ARL17A: variants seen among roughly 807,000 people sequenced by gnomAD.
ARL17A encodes ARF like GTPase 17A.
At chr17:46,545,452 A>G (rs1408083294) in intron 3 of ARL17A, among the ~76,000 whole-genome samples, 3 of 106,436 alleles carry the variant, frequency 2.8e-5, no homozygotes, top group African/African-American at 1.5e-4. Context: ...AATAAAAATA[A>G]AAAATAATAA....
chr17:46,505,156 TCTC>T, the ARL17A span, among the ~76,000 whole-genome samples: 1 of 90,002 alleles, frequency 1.1e-5, no homozygotes, highest in African/African-American at 6.5e-5. Context: ...ATGGTCTCGA[TCTC>T]CTGACCTCGT....
At chr17:46,540,530 A>C (rs1256919363) in intron 3 of ARL17A, among the ~76,000 whole-genome samples, 1 of 148,448 alleles carries the variant, frequency 6.7e-6, no homozygotes, top group Non-Finnish European at 1.5e-5. Context: ...AAAGGTGTTC[A>C]TTATTCTAAA....
chr17:46,501,760 T>C, the ARL17A span, among the ~76,000 whole-genome samples: 1 of 151,332 alleles, frequency 6.6e-6, no homozygotes, highest in Admixed American at 6.6e-5. Context: ...CCGATTTCAA[T>C]TCCTGATTGG....
intron 3 of ARL17A, among the ~76,000 whole-genome samples, chr17:46,546,100 TC>T (rs1260343733): frequency 6.6e-5 from 10 of 152,060 alleles, no homozygotes; most frequent in Non-Finnish European, 1.3e-4. Flanking sequence ...ACTTTTGTCC[TC>T]CTTCCTATTG....
chr17:46,573,043 G>A (rs2057699371), intron 2 of ARL17A, among the ~76,000 whole-genome samples: 1 of 116,252 alleles, frequency 8.6e-6, no homozygotes, highest in African/African-American at 3.4e-5. Flanking sequence ...AAGGAAAGAT[G>A]TCCCCTTAGC....
intron 2 of ARL17A, among the ~76,000 whole-genome samples, chr17:46,573,099 A>T (rs2057702393): frequency 1.6e-5 from 1 of 61,940 alleles, no homozygotes; most frequent in Non-Finnish European, 3.9e-5. Flanking sequence ...AGACCCAAGC[A>T]AGCTGGGTCT....
At chr17:46,500,601 G>A in the ARL17A span, among the ~76,000 whole-genome samples, 6 of 150,830 alleles carry the variant, frequency 4.0e-5, no homozygotes, top group Non-Finnish European at 7.3e-5. Context: ...TGCAGATCCT[G>A]ATTTAGTAGG....
In ARL17A at chr17:46,529,200, A is replaced by C. The variant is rs562736450; in HGVS notation, c.336-341T>G. Among the ~76,000 whole-genome samples, 8 of 133,444 alleles carry C rather than the reference A, an allele frequency of 6.0e-5. No homozygotes were observed. The South Asian group carries it at 1.9e-3, about 31-fold the overall frequency. The allele number at this position is 133,444 out of a possible 152,430, so 87.5% of individuals were successfully genotyped here. On this transcript the variant is annotated intron_variant, in intron 4 of 4. Transcript: ENST00000329240. ...CTGTACAGAAGAATTTGGAGGGAAAAAAAAGAACAAGCAAGAAATGTTCCC... is the reference window on the plus strand; with the variant it reads ...CTGTACAGAAGAATTTGGAGGGAAACAAAAGAACAAGCAAGAAATGTTCCC...
the ARL17A span, among the ~76,000 whole-genome samples, chr17:46,501,066 T>G: frequency 6.6e-6 from 1 of 151,278 alleles, no homozygotes; most frequent in Admixed American, 6.6e-5. Context: ...CTTTTTAAAA[T>G]TTTTTTAGAG....
In ARL17A at chr17:46,521,042, G is replaced by A. The variant is rs2052208237; in HGVS notation, c.260-3809C>T. Among the ~76,000 whole-genome samples, 2 of 80,396 alleles carry A rather than the reference G, an allele frequency of 2.5e-5. 1 individual carries two copies. The highest frequency in any genetic ancestry group is 6.7e-5 in the Non-Finnish European group (2 of 29,680). The allele number at this position is 80,396 out of a possible 152,430, so 52.7% of individuals were successfully genotyped here. ...TATTAAAACAGATGTTTAAAATGAT[G>A]GTTAACTGGTAGAGCTAGAAATGTT... On this transcript the variant is annotated intron_variant, in intron 3 of 4. Coordinates refer to the ARL17A transcript ENST00000445552.
intron 3 of ARL17A, among the ~76,000 whole-genome samples, chr17:46,542,860 G>T (rs1258079678): frequency 6.6e-6 from 1 of 150,524 alleles, no homozygotes; most frequent in African/African-American, 2.5e-5. Context: ...CTGGTTGAGG[G>T]CATTTTGCAA....
intron 4 of ARL17A, among the ~76,000 whole-genome samples, chr17:46,534,966 G>C (rs2054420924): frequency 6.7e-6 from 1 of 149,946 alleles, no homozygotes; most frequent in South Asian, 2.1e-4. Flanking sequence ...TCACTTCTCA[G>C]ACGGGGCGGC....
the ARL17A span, among the ~76,000 whole-genome samples, chr17:46,500,985 GC>G: frequency 6.6e-6 from 1 of 151,110 alleles, no homozygotes; most frequent in Non-Finnish European, 1.5e-5. Context: ...TTTGAGACCA[GC>G]CTGGCTAACA....
chr17:46,550,956 C>T (rs532589283), downstream of ARL17A, among the ~76,000 whole-genome samples: 3 of 149,370 alleles, frequency 2.0e-5, no homozygotes, highest in African/African-American at 7.7e-5. Flanking sequence ...GTCTTGTAGA[C>T]TTATTAGATT....
At chr17:46,529,130 C>G (rs1019206677) in intron 4 of ARL17A, among the ~76,000 whole-genome samples, 16 of 135,524 alleles carry the variant, frequency 1.2e-4, no homozygotes, top group African/African-American at 3.0e-4. Flanking sequence ...TTTCATCTCT[C>G]TCTCCTCAGT....
rs199662339 is a variant in ARL17A, at chr17:46,534,207, A to AT, written c.335+4143dup. 1.1e-4 allele frequency among the ~76,000 whole-genome samples: 16 copies of AT among 140,758 alleles called. No individual in the cohort carries two copies. In the South Asian group the frequency reaches 1.5e-3, roughly 13 times the overall value. 92.3% of individuals were successfully genotyped at this position (140,758 alleles called of 152,430 possible). A position where few individuals can be genotyped will look rare whatever the true frequency, so the allele number is the denominator to read the frequency against. ...TTTGTTTTTGTTTTTGTTTTTTTTAATTTTTTTTTATTGATCATTCTTGGG... is the reference window on the plus strand; with the variant it reads ...TTTGTTTTTGTTTTTGTTTTTTTTAATTTTTTTTTTATTGATCATTCTTGGG... On this transcript the variant is annotated intron_variant, in intron 4 of 4. Coordinates refer to the ARL17A transcript ENST00000329240.
chr17:46,534,021 CTTTGT>C (rs904277072), intron 4 of ARL17A, among the ~76,000 whole-genome samples: 1 of 121,144 alleles, frequency 8.3e-6, no homozygotes, highest in Non-Finnish European at 1.6e-5. Context: ...TGTGTGGTTG[CTTTGT>C]TTTTAGACAG....
the ARL17A span, among the ~76,000 whole-genome samples, chr17:46,501,428 G>A: frequency 2.6e-5 from 4 of 151,146 alleles, 1 homozygote; most frequent in African/African-American, 7.4e-5. Flanking sequence ...ACCCGCCTTC[G>A]CCTCCCAAAG....
At chr17:46,530,667 A>T (rs1056478936) in intron 4 of ARL17A, among the ~76,000 whole-genome samples, 1 of 70,050 alleles carries the variant, frequency 1.4e-5, no homozygotes, top group African/African-American at 5.5e-5. Context: ...ACGCAGTATT[A>T]TAAAGTGTAC....
Sources: gnomAD v4.1 joint callset for allele counts (sites outside exome capture counted in the v4.1 genomes callset) on GRCh38, gnomAD v4.1.1 for gene constraint, MANE v1.5 for transcripts, NCBI Gene and HGNC (gene_info 2026-07-23, HGNC 2026-07-21) for gene names.